DNAI1: variants seen among roughly 807,000 people sequenced by gnomAD.
DNAI1 encodes dynein axonemal intermediate chain 1, also known as dynein, axonemal, intermediate polypeptide 1.
In DNAI1, 67 loss-of-function variants were observed where a neutral mutation model predicts 92.0. The ratio of observed to expected loss-of-function variants is 0.73; its 90% confidence interval spans 0.60 to 0.89. The LOEUF is 0.89. Ranked by LOEUF, DNAI1 falls within the 40% of genes least tolerant of loss-of-function variation. The pLI, the probability that DNAI1 is intolerant of heterozygous loss-of-function variation, is 0.00. For synonymous variants in DNAI1, 323 were observed against 319.6 expected (o/e 1.01, Z -0.11); for missense variants, 839 against 866.6 (o/e 0.97, Z 0.40).
At chr9:34,474,409 T>A (rs1824200616) in intron 1 of DNAI1, among the ~76,000 whole-genome samples, 1 of 151,528 alleles carries the variant, frequency 6.6e-6, no homozygotes, top group South Asian at 2.1e-4. Flanking sequence ...TAATTTTGTT[T>A]ATTTTTTTGT....
intron 5 of DNAI1, 46 bp downstream of exon 5, chr9:34,489,495 C>T: frequency 6.2e-7 from 1 of 1,609,790 alleles, no homozygotes; most frequent in South Asian, 1.1e-5. Flanking sequence ...AGCCTGTTCC[C>T]CTTATTCTGG....
intron 13 of DNAI1, among the ~76,000 whole-genome samples, chr9:34,507,651 G>A (rs1252920476): frequency 6.6e-6 from 1 of 152,230 alleles, no homozygotes; most frequent in African/African-American, 2.4e-5. Flanking sequence ...GTATGTTAAA[G>A]ACCAGGTCCT....
intron 9 of DNAI1, among the ~76,000 whole-genome samples, chr9:34,493,603 A>T (rs1171013667): frequency 6.6e-6 from 1 of 152,124 alleles, no homozygotes; most frequent in East Asian, 1.9e-4. Context: ...TTCCTTATTG[A>T]AAGCACTATA....
chr9:34,461,131 CG>C (rs1258214803), intron 1 of DNAI1, among the ~76,000 whole-genome samples: 1 of 152,124 alleles, frequency 6.6e-6, no homozygotes, highest in Non-Finnish European at 1.5e-5. Context: ...TGTGGGCCAC[CG>C]CACCCAGCCA....
chr9:34,465,255 C>T lies in DNAI1; in HGVS notation c.48+6202C>T, dbSNP rs372796680. On this transcript the variant is annotated intron_variant, in intron 1 of 19. Transcript: ENST00000242317. ...AAATGCTGAGGGGAAGGATCCTGAA[C>T]GGAGAGAGAAGTTGAAGATAAAGGA... Among the ~76,000 whole-genome samples, 122 of 151,906 alleles carry T rather than the reference C, an allele frequency of 8.0e-4. 5 individuals carry two copies. The South Asian group carries it at 0.024, about 30-fold the overall frequency.
chr9:34,499,076 T>C (rs1052899450), intron 10 of DNAI1, among the ~76,000 whole-genome samples: 1 of 152,250 alleles, frequency 6.6e-6, no homozygotes, highest in African/African-American at 2.4e-5. Flanking sequence ...ATTTTTTTAA[T>C]TGCATACTCC....
intron 1 of DNAI1, among the ~76,000 whole-genome samples, chr9:34,467,440 T>TACACACACAC (rs3039302): frequency 3.6e-4 from 50 of 137,378 alleles, no homozygotes; most frequent in Admixed American, 7.3e-4. Flanking sequence ...TCTACACAAA[T>TACACACACAC]ACACACACAC....
chr9:34,501,254 C>T (rs375472285), intron 12 of DNAI1, 73 bp downstream of exon 12: 3 of 1,257,426 alleles, frequency 2.4e-6, no homozygotes, highest in Admixed American at 3.4e-5. Context: ...GTGCAGAACT[C>T]TTTGCCAGTT....
At chr9:34,502,478 G>T (rs1824850256) in intron 12 of DNAI1, among the ~76,000 whole-genome samples, 1 of 152,162 alleles carries the variant, frequency 6.6e-6, no homozygotes, top group African/African-American at 2.4e-5. Context: ...TGAAGCAGGG[G>T]TGTAGGGGTT....
chr9:34,497,456 C>T (rs1259617960), intron 10 of DNAI1, among the ~76,000 whole-genome samples: 1 of 152,244 alleles, frequency 6.6e-6, no homozygotes, highest in African/African-American at 2.4e-5. Context: ...GTGATCCAAT[C>T]TCATCTTCCT....
rs771114105 is a variant in DNAI1, at chr9:34,458,967, C to A, written c.-39C>A. ...AGGAGACGGACAAACTTTTTGTCTT[C>A]AGACGAGGGAGCGTTTTGTAGGCTC... is the stretch of plus-strand genomic sequence containing the variant. On this transcript the variant is annotated 5_prime_UTR_variant, in exon 1 of 20. Coordinates refer to ENST00000242317, the MANE Select transcript of DNAI1 (RefSeq NM_012144.4). This position sits in a 1 kb window ranked among gnomAD's most constrained non-coding sequence, Gnocchi z 6.6. 5 of 1,607,170 alleles carry A rather than the reference C, an allele frequency of 3.1e-6. No homozygotes were observed. The South Asian group carries it at 5.5e-5, about 18-fold the overall frequency.
chr9:34,517,151 C>T lies in DNAI1; in HGVS notation c.1819-134C>T, dbSNP rs554537620. 293 of 908,236 alleles carry T rather than the reference C, an allele frequency of 3.2e-4. 1 individual carries two copies. The African/African-American group carries it at 4.6e-3, about 14-fold the overall frequency. 56.3% of individuals were successfully genotyped at this position (908,236 alleles called of 1,614,324 possible). ...ACACAGAGACACAAAATTCCCCCTC[C>T]CTCCACCTCCAGCTCCAGTGTGCTA... On this transcript the variant is annotated intron_variant, in intron 18 of 19. Transcript: ENST00000242317.
intron 1 of DNAI1, among the ~76,000 whole-genome samples, chr9:34,463,254 G>A (rs1344364799): frequency 6.6e-6 from 1 of 152,174 alleles, no homozygotes. Flanking sequence ...CACATGTTCT[G>A]GATCAGCAAG....
intron 19 of DNAI1, 100 bp from the exon 20 acceptor site, chr9:34,520,558 G>A: frequency 5.6e-6 from 6 of 1,063,848 alleles, no homozygotes; most frequent in Non-Finnish European, 8.5e-6. Flanking sequence ...CAGGGGAGGG[G>A]TAGGGCACAG....
intron 16 of DNAI1, 138 bp from the exon 17 acceptor site, chr9:34,514,256 A>C: frequency 2.6e-6 from 3 of 1,150,614 alleles, no homozygotes; most frequent in Non-Finnish European, 3.9e-6. Flanking sequence ...AAGGGCAGCC[A>C]GGAGCTTGGC....
chr9:34,482,439 C>T (rs1295265492), intron 1 of DNAI1, among the ~76,000 whole-genome samples: 1 of 150,298 alleles, frequency 6.7e-6, no homozygotes, highest in Non-Finnish European at 1.5e-5. Context: ...ACTCACAAAC[C>T]TTGAGCTAAA....
rs572257884 is a variant in DNAI1 at position 34,483,500 on chromosome 9, T to C, written c.81+20T>C. On this transcript the variant is annotated intron_variant, in intron 2 of 19. Coordinates refer to ENST00000242317, the MANE Select transcript of DNAI1 (RefSeq NM_012144.4). ...AAGAGAGTAAGTGCTGAGACTACCA[T>C]GGTCTCTCAGCAAGATGCTAATAGT... 1.2e-4 allele frequency: 186 copies of C among 1,608,612 alleles called. No homozygotes were observed. The South Asian group carries it at 1.9e-3, about 16-fold the overall frequency.
intron 1 of DNAI1, among the ~76,000 whole-genome samples, chr9:34,459,450 C>CTT (rs373407715): frequency 8.0e-5 from 11 of 138,214 alleles, no homozygotes; most frequent in African/African-American, 1.4e-4. Context: ...TTCTTTCTTT[C>CTT]TTTTTTTTTT....
At chr9:34,482,920 G>A (rs1468656619) in intron 1 of DNAI1, among the ~76,000 whole-genome samples, 1 of 152,246 alleles carries the variant, frequency 6.6e-6, no homozygotes, top group Non-Finnish European at 1.5e-5. Context: ...TGGGAAGGCA[G>A]CTAAGGCCCG....
Sources: gnomAD v4.1 joint callset for allele counts (sites outside exome capture counted in the v4.1 genomes callset) on GRCh38, gnomAD v4.1.1 for gene constraint, Gnocchi (gnomAD v3.1) non-coding constraint, MANE v1.5 for transcripts, NCBI Gene and HGNC (gene_info 2026-07-23, HGNC 2026-07-21) for gene names.